The following LDLRAD4 variants were observed in gnomAD, a reference collection of about 807,000 sequenced individuals.
The protein encoded by LDLRAD4 is low density lipoprotein receptor class A domain containing 4, also known as low-density lipoprotein receptor class A domain-containing protein 4.
In LDLRAD4, 5 loss-of-function variants were observed where a neutral mutation model predicts 17.0. That is an observed-to-expected ratio of 0.29 (90% CI 0.15 to 0.62). LDLRAD4 has a LOEUF of 0.62. LDLRAD4 is among the 20% of genes least tolerant of loss of function. The pLI, the probability that LDLRAD4 is intolerant of heterozygous loss-of-function variation, is 0.84. For missense variants in LDLRAD4, 340 were observed against 424.7 expected (o/e 0.80, Z 1.75); for synonymous variants, 168 against 171.8 (o/e 0.98, Z 0.17).
intron 3 of LDLRAD4, chr18:13,611,505 A>G (rs769786119): frequency 8.1e-6 from 8 of 985,000 alleles, no homozygotes; most frequent in African/African-American, 1.7e-5. Flanking sequence ...GATGTTTTAC[A>G]CTCAGATGAA....
chr18:13,222,223 C>A (rs748654267), intron 1 of LDLRAD4, among the ~76,000 whole-genome samples: 1 of 152,062 alleles, frequency 6.6e-6, no homozygotes, highest in Non-Finnish European at 1.5e-5. Flanking sequence ...TACTTGGCAT[C>A]GGAAAAATGT....
chr18:13,304,526 G>A (rs1233461786), intron 1 of LDLRAD4, among the ~76,000 whole-genome samples: 1 of 152,114 alleles, frequency 6.6e-6, no homozygotes, highest in Admixed American at 6.5e-5. Context: ...AGGCTGTGGG[G>A]CAGGCCACCT....
intron 3 of LDLRAD4, among the ~76,000 whole-genome samples, chr18:13,511,568 A>G (rs2093779591): frequency 1.3e-5 from 2 of 152,234 alleles, no homozygotes; most frequent in African/African-American, 2.4e-5. Flanking sequence ...AAATGGGCAT[A>G]TTCTTTGAAA....
At position 13,588,754 on chromosome 18, in the gene LDLRAD4, C is replaced by T. The variant is rs571892214; in HGVS notation, c.182-32363C>T. On this transcript the variant is annotated intron_variant, in intron 3 of 5. Transcript: ENST00000359446. ...TGTCGACACAATCCACTCATGTCACCGCTAGTTTCTTGAAACTATCTTGAC... is the reference window on the plus strand; with the variant it reads ...TGTCGACACAATCCACTCATGTCACTGCTAGTTTCTTGAAACTATCTTGAC... Among the ~76,000 whole-genome samples the T allele has an allele frequency of 1.5e-3, 232 of 152,160 alleles. 1 individual carries two copies. Among genetic ancestry groups the T allele is most frequent in the African/African-American group, 5.4e-3 (224 of 41,524 alleles).
intron 3 of LDLRAD4, among the ~76,000 whole-genome samples, chr18:13,481,047 G>A (rs1198987387): frequency 1.3e-5 from 2 of 152,194 alleles, no homozygotes; most frequent in South Asian, 2.1e-4. Context: ...ATGTCCTAGG[G>A]ACGGACATGG....
At chr18:13,274,152 G>A (rs750836980), upstream of LDLRAD4, among the ~76,000 whole-genome samples, 15 of 152,158 alleles carry the variant, frequency 9.9e-5, no homozygotes, top group Non-Finnish European at 1.8e-4. Context: ...ATTTCCTTCC[G>A]GGAGGCTTAG....
chr18:13,291,632 C>G (rs2045968965), intron 1 of LDLRAD4, among the ~76,000 whole-genome samples: 1 of 152,056 alleles, frequency 6.6e-6, no homozygotes, highest in Admixed American at 6.6e-5. Context: ...GCTGAGTTAC[C>G]CCAAAGCCAC....
At chr18:13,396,241 C>CA (rs1429506172) in intron 2 of LDLRAD4, among the ~76,000 whole-genome samples, 1 of 150,564 alleles carries the variant, frequency 6.6e-6, no homozygotes, top group Non-Finnish European at 1.5e-5. Context: ...TTCCTAGGGG[C>CA]AAAAAAAGAA....
chr18:13,312,096 A>G (rs1029082997), intron 1 of LDLRAD4, among the ~76,000 whole-genome samples: 7 of 152,054 alleles, frequency 4.6e-5, no homozygotes, highest in Admixed American at 2.0e-4. Flanking sequence ...CGGCCTCCCA[A>G]AGTGCTAGGA....
At chr18:13,282,581 A>G (rs2045347353) in intron 1 of LDLRAD4, among the ~76,000 whole-genome samples, 1 of 152,232 alleles carries the variant, frequency 6.6e-6, no homozygotes, top group Non-Finnish European at 1.5e-5. Flanking sequence ...CATCCGCGTC[A>G]CACTGATGTA....
At chr18:13,586,535 G>A (rs2094937630) in intron 3 of LDLRAD4, among the ~76,000 whole-genome samples, 1 of 151,772 alleles carries the variant, frequency 6.6e-6, no homozygotes, top group Non-Finnish European at 1.5e-5. Flanking sequence ...TGTGAGAAGA[G>A]CCTAGGAGCC....
chr18:13,526,481 C>T (rs1190680594), intron 3 of LDLRAD4: 2 of 152,202 alleles, frequency 1.3e-5, no homozygotes, highest in Admixed American at 6.5e-5. Context: ...AAGTCTCTCA[C>T]ATTTTTGCAT....
chr18:13,574,877 C>T (rs1204204488), intron 3 of LDLRAD4, among the ~76,000 whole-genome samples: 7 of 152,320 alleles, frequency 4.6e-5, no homozygotes, highest in African/African-American at 1.7e-4. Context: ...GAATATCTAT[C>T]TGGGACACCC....
chr18:13,414,280 G>A (rs2088660512), intron 2 of LDLRAD4, among the ~76,000 whole-genome samples: 1 of 152,210 alleles, frequency 6.6e-6, no homozygotes, highest in Non-Finnish European at 1.5e-5. Context: ...GTTGCTTTGG[G>A]CAAGTCACAT....
intron 3 of LDLRAD4, among the ~76,000 whole-genome samples, chr18:13,532,076 G>T (rs148615346): frequency 3.3e-5 from 5 of 152,298 alleles, no homozygotes; most frequent in African/African-American, 1.2e-4. Flanking sequence ...CCTGGTCCAT[G>T]CAGGGTGATG....
chr18:13,357,163 C>A (rs1324368208), intron 1 of LDLRAD4, among the ~76,000 whole-genome samples: 1 of 152,010 alleles, frequency 6.6e-6, no homozygotes, highest in Non-Finnish European at 1.5e-5. Context: ...AAAACAAAAA[C>A]AACAACAACA....
chr18:13,220,152 A>C (rs1373584608), intron 1 of LDLRAD4, among the ~76,000 whole-genome samples: 1 of 152,212 alleles, frequency 6.6e-6, no homozygotes, highest in Non-Finnish European at 1.5e-5. Context: ...TAACTTCCTT[A>C]TGATCTTTGA....
intron 1 of LDLRAD4, among the ~76,000 whole-genome samples, chr18:13,319,614 T>TA (rs749890312): frequency 1.3e-4 from 20 of 152,250 alleles, no homozygotes; most frequent in Non-Finnish European, 2.9e-4. Context: ...GCCTGTAACT[T>TA]ACGACCAGGG....
chr18:13,449,507 C>G (rs2091650650), intron 3 of LDLRAD4, among the ~76,000 whole-genome samples: 1 of 152,222 alleles, frequency 6.6e-6, no homozygotes. Flanking sequence ...GGGGTGACCC[C>G]CAGGCTCATA....
Sources: allele counts gnomAD v4.1 joint callset (sites outside exome capture counted in the v4.1 genomes callset), GRCh38; gene constraint gnomAD v4.1.1; transcripts MANE v1.5; gene names NCBI Gene and HGNC (gene_info 2026-07-23, HGNC 2026-07-21).